The following ARFIP1 variants were observed in gnomAD, a reference collection of about 807,000 sequenced individuals.
ARFIP1 encodes the protein arfaptin-1.
In ARFIP1, 24 loss-of-function variants were observed where a neutral mutation model predicts 42.5. The ratio of observed to expected loss-of-function variants is 0.57; its 90% CI spans 0.41 to 0.80. ARFIP1 has a LOEUF of 0.80. Among genes scored for constraint, ARFIP1 ranks in the 30% least tolerant of loss-of-function variants. The probability of loss-of-function intolerance (pLI) is 0.00; values close to 1 mark genes in which losing one functional copy is unlikely to be tolerated. For missense variants in ARFIP1, 354 were observed against 434.0 expected (o/e 0.82, Z 1.64); for synonymous variants, 141 against 153.7 (o/e 0.92, Z 0.61).
chr4:152,812,903 C>T (rs2149833817), intron 1 of ARFIP1, among the ~76,000 whole-genome samples: 1 of 152,258 alleles, frequency 6.6e-6, no homozygotes, highest in South Asian at 2.1e-4. Flanking sequence ...TCTGTTGAAT[C>T]CACCTTTTTT....
chr4:152,828,738 T>C (rs916836534), intron 1 of ARFIP1, among the ~76,000 whole-genome samples: 3 of 152,240 alleles, frequency 2.0e-5, no homozygotes, highest in African/African-American at 7.2e-5. Flanking sequence ...AAGTACAGCC[T>C]ATCAGTTTTT....
chr4:152,837,028 A>G (rs1262199021), intron 2 of ARFIP1, among the ~76,000 whole-genome samples: 1 of 151,916 alleles, frequency 6.6e-6, no homozygotes, highest in African/African-American at 2.4e-5. Context: ...AGAACATACG[A>G]TGTTTGGTTT....
At position 152,804,725 on chromosome 4, in the gene ARFIP1, A is replaced by G. The variant is rs528519622; in HGVS notation, c.-10+24499A>G. On this transcript the variant is annotated intron_variant, in intron 1 of 8. Transcript: ENST00000353617. ...GGAATAATAATGGTACCTAGGTCAG[A>G]GATTTGTTGTGAGGTTAAATGAGAT... Among the ~76,000 whole-genome samples, 3 of 151,454 alleles carry G rather than the reference A, an allele frequency of 2.0e-5. No homozygotes were observed. The South Asian group carries it at 6.2e-4, about 31-fold the overall frequency.
intron 1 of ARFIP1, among the ~76,000 whole-genome samples, chr4:152,813,789 T>C (rs1729657235): frequency 6.6e-6 from 1 of 152,306 alleles, no homozygotes; most frequent in Admixed American, 6.5e-5. Flanking sequence ...CTTATAACAT[T>C]TTCTTCAAGC....
chr4:152,910,504 T>G lies in ARFIP1; in HGVS notation c.*285T>G, dbSNP rs1174797934. 2.1e-5 allele frequency: 5 copies of G among 237,000 alleles called. No individual in the cohort carries two copies. The highest frequency in any genetic ancestry group is 1.1e-4 in the African/African-American group (5 of 44,278). 14.7% of individuals were successfully genotyped at this position (237,000 alleles called of 1,614,324 possible). Reference sequence around the variant, plus strand: ...ATTTCTGTAGTTTGAAAACATCTAATAGAGATTTGCACTGACAAGATAAAA... The same window carrying G: ...ATTTCTGTAGTTTGAAAACATCTAAGAGAGATTTGCACTGACAAGATAAAA... On this transcript the variant is annotated 3_prime_UTR_variant, in exon 9 of 9. Transcript: ENST00000353617.
chr4:152,904,172 G>A (rs1216929051), intron 8 of ARFIP1, among the ~76,000 whole-genome samples: 7 of 32,340 alleles, frequency 2.2e-4, no homozygotes, highest in Non-Finnish European at 3.8e-4. Context: ...ATATATATGT[G>A]TGTGTGTGTA....
intron 8 of ARFIP1, among the ~76,000 whole-genome samples, chr4:152,900,296 T>C (rs1737715650): frequency 1.3e-5 from 2 of 152,174 alleles, no homozygotes; most frequent in Admixed American, 1.3e-4. Context: ...AATTATTCGA[T>C]AAAGAATTAT....
At chr4:152,818,630 C>T (rs1730103936) in intron 1 of ARFIP1, among the ~76,000 whole-genome samples, 1 of 152,212 alleles carries the variant, frequency 6.6e-6, no homozygotes, top group Non-Finnish European at 1.5e-5. Flanking sequence ...GCTGTAGCCA[C>T]AGGCACAGAA....
chr4:152,902,387 A>G (rs1737913757), intron 8 of ARFIP1, among the ~76,000 whole-genome samples: 2 of 152,136 alleles, frequency 1.3e-5, no homozygotes, highest in South Asian at 4.1e-4. Context: ...CATTATTCCT[A>G]GTTATTCAGG....
chr4:152,822,857 A>G (rs62319870), intron 1 of ARFIP1, among the ~76,000 whole-genome samples: 57,786 of 152,060 alleles, frequency 0.38, 12,051 homozygotes, highest in Admixed American at 0.49. Context: ...AAATTTTTGC[A>G]GTGAATGATA....
intron 1 of ARFIP1, among the ~76,000 whole-genome samples, chr4:152,794,178 A>G (rs1242259194): frequency 1.3e-5 from 2 of 152,112 alleles, no homozygotes; most frequent in South Asian, 2.1e-4. Context: ...TGATTAAACT[A>G]TAGCTCTTAT....
In ARFIP1 at chr4:152,910,083, A is replaced by G. The variant is rs745780327; in HGVS notation, c.986A>G (p.Gln329Arg). 1 of 1,614,222 alleles carries G rather than the reference A, an allele frequency of 6.2e-7. No homozygotes were observed. The highest frequency in any genetic ancestry group is 8.5e-7 in the Non-Finnish European group (1 of 1,180,032). ...CCACAGGTTAAAGTATTGCACAATC[A>G]GCTGGTCCTTTTCCACAATGCCATT... ...EENKVKVLHN[Q>R]LVLFHNAIAA... The change falls in exon 9 of 9, where the codon CAG becomes CGG. Residue 329 changes from glutamine to arginine, a missense_variant. Physicochemically the swap from Gln to Arg is conservative, Grantham distance 43 (BLOSUM62 1). Coordinates refer to ENST00000353617, the MANE Select transcript of ARFIP1 (RefSeq NM_001025595.3).
At chr4:152,900,791 C>CA (rs1410386123) in intron 8 of ARFIP1, among the ~76,000 whole-genome samples, 1 of 152,226 alleles carries the variant, frequency 6.6e-6, no homozygotes, top group African/African-American at 2.4e-5. Context: ...TGATACCTTA[C>CA]ATGTTAGCGG....
chr4:152,790,334 A>C (rs559464783), intron 1 of ARFIP1, among the ~76,000 whole-genome samples: 1 of 152,366 alleles, frequency 6.6e-6, no homozygotes, highest in East Asian at 1.9e-4. Flanking sequence ...AATCAATTAC[A>C]ACAACAGAGA....
chr4:152,809,035 G>A (rs1729239078), intron 1 of ARFIP1, among the ~76,000 whole-genome samples: 1 of 152,112 alleles, frequency 6.6e-6, no homozygotes, highest in Admixed American at 6.5e-5. Context: ...CTGGGCGACA[G>A]AGGAAGACCC....
chr4:152,811,533 A>G (rs919273182), intron 1 of ARFIP1, among the ~76,000 whole-genome samples: 12 of 152,204 alleles, frequency 7.9e-5, no homozygotes, highest in African/African-American at 2.9e-4. Context: ...CATAGATATC[A>G]AAGTACATTT....
intron 6 of ARFIP1, among the ~76,000 whole-genome samples, chr4:152,881,584 G>T (rs1052657817): frequency 2.6e-5 from 4 of 152,116 alleles, no homozygotes; most frequent in African/African-American, 4.8e-5. Flanking sequence ...AACTTAGCTT[G>T]TGGAAATTTG....
intron 1 of ARFIP1, chr4:152,796,180 A>G: frequency 1.3e-6 from 1 of 760,692 alleles, no homozygotes; most frequent in Non-Finnish European, 2.4e-6. Context: ...ACTCACATTT[A>G]CCTCAGTGAC....
At chr4:152,827,294 C>A (rs983937270) in intron 1 of ARFIP1, among the ~76,000 whole-genome samples, 33 of 152,114 alleles carry the variant, frequency 2.2e-4, no homozygotes, top group Non-Finnish European at 4.1e-4. Context: ...GTTTTCACAG[C>A]AAAATTGAGA....
Sources: allele counts gnomAD v4.1 joint callset (sites outside exome capture counted in the v4.1 genomes callset), GRCh38; gene constraint gnomAD v4.1.1; transcripts MANE v1.5; gene names NCBI Gene and HGNC (gene_info 2026-07-23, HGNC 2026-07-21).